EYS: variants seen among roughly 807,000 people sequenced by gnomAD.
The protein encoded by EYS is protein eyes shut homolog.
In EYS, 250 loss-of-function variants were observed where a neutral mutation model predicts 282.1. The ratio of observed to expected loss-of-function variants is 0.89; its 90% CI spans 0.80 to 0.98. EYS has a LOEUF of 0.98. Ranked by LOEUF, EYS falls within the 50% of genes least tolerant of loss-of-function variation. The pLI is 0.00. For synonymous variants in EYS, 1,355 were observed against 1,282.9 expected (o/e 1.06, Z -1.20); for missense variants, 4,016 against 3,709.0 (o/e 1.08, Z -2.15).
chr6:64,239,060 T>C (rs376708617), intron 30 of EYS, among the ~76,000 whole-genome samples: 195 of 152,334 alleles, frequency 1.3e-3, no homozygotes, highest in African/African-American at 4.5e-3. Flanking sequence ...GTGTCATCCA[T>C]GTCCCTGCAA....
intron 1 of EYS, among the ~76,000 whole-genome samples, chr6:65,676,253 T>C (rs1248885969): frequency 6.6e-6 from 1 of 151,114 alleles, no homozygotes; most frequent in Admixed American, 6.6e-5. Context: ...AAATAGAAAA[T>C]AGAAAAACAA....
At chr6:65,648,062 C>T (rs2149816729) in intron 1 of EYS, among the ~76,000 whole-genome samples, 1 of 152,184 alleles carries the variant, frequency 6.6e-6, no homozygotes, top group East Asian at 1.9e-4. Flanking sequence ...AAAGGAAACA[C>T]TTTTACACTG....
chr6:65,377,187 C>T (rs1765401894), intron 8 of EYS, among the ~76,000 whole-genome samples: 1 of 152,082 alleles, frequency 6.6e-6, no homozygotes, highest in Non-Finnish European at 1.5e-5. Flanking sequence ...CCTCTTAGAC[C>T]ACAGTGTAAT....
intron 22 of EYS, among the ~76,000 whole-genome samples, chr6:64,786,186 AC>A (rs1562191006): frequency 2.0e-5 from 1 of 50,200 alleles, no homozygotes; most frequent in Admixed American, 4.3e-4. Context: ...TACTGGTTCT[AC>A]ATTTTTTTTT....
chr6:64,719,866 A>T (rs1771516624), intron 22 of EYS, among the ~76,000 whole-genome samples: 1 of 152,162 alleles, frequency 6.6e-6, no homozygotes, highest in South Asian at 2.1e-4. Flanking sequence ...GCACCACAGC[A>T]CTCCAACCTG....
At chr6:65,310,645 TCTG>T (rs1189312854) in intron 11 of EYS, among the ~76,000 whole-genome samples, 6 of 152,174 alleles carry the variant, frequency 3.9e-5, no homozygotes, top group African/African-American at 1.4e-4. Flanking sequence ...CCCTTCTCAT[TCTG>T]CTACAGTCAT....
intron 2 of EYS, among the ~76,000 whole-genome samples, chr6:65,615,687 C>A (rs905314754): frequency 1.3e-5 from 2 of 152,058 alleles, no homozygotes; most frequent in Non-Finnish European, 2.9e-5. Flanking sequence ...GTAATCCCAG[C>A]ACTTTGGGAG....
intron 12 of EYS, among the ~76,000 whole-genome samples, chr6:65,233,736 G>A (rs556846400): frequency 3.3e-5 from 5 of 152,168 alleles, no homozygotes; most frequent in South Asian, 4.1e-4. Context: ...TTATCTTTAC[G>A]TTTAGCTTCT....
At chr6:64,318,339 A>G (rs1397412823) in intron 29 of EYS, among the ~76,000 whole-genome samples, 1 of 152,012 alleles carries the variant, frequency 6.6e-6, no homozygotes, top group Non-Finnish European at 1.5e-5. Flanking sequence ...TCCTTTAAAG[A>G]AAGTTGAAGT....
At position 64,686,753 on chromosome 6, in the gene EYS, A is replaced by ATATATATGTG. The variant is rs1327434132; in HGVS notation, c.3444-60509_3444-60508insCACATATATA. Among the ~76,000 whole-genome samples the ATATATATGTG allele has an allele frequency of 1.2e-3, 35 of 28,628 alleles. 1 individual carries two copies. Among genetic ancestry groups the ATATATATGTG allele is most frequent in the African/African-American group, 2.8e-3 (34 of 12,198 alleles). 18.8% of individuals were successfully genotyped at this position (28,628 alleles called of 152,430 possible). A position where few individuals can be genotyped will look rare whatever the true frequency, so the allele number is the denominator to read the frequency against. On this transcript the variant is annotated intron_variant, in intron 22 of 42. Transcript: ENST00000503581. ...CAAGATTCCATCTAAATATATATAT[A>ATATATATGTG]TATATATATGTGTGTATATATATAT...
intron 26 of EYS, among the ~76,000 whole-genome samples, chr6:64,589,849 C>G (rs1766344147): frequency 6.6e-6 from 1 of 151,948 alleles, no homozygotes; most frequent in African/African-American, 2.4e-5. Flanking sequence ...ACTGAAGATA[C>G]CGTTAGAAAG....
chr6:65,601,212 T>C (rs1025232150), intron 2 of EYS, among the ~76,000 whole-genome samples: 5 of 151,944 alleles, frequency 3.3e-5, no homozygotes, highest in Admixed American at 2.0e-4. Flanking sequence ...TAAGATTAAA[T>C]ACATTAAGGT....
chr6:64,421,917 A>G (rs1774248759), intron 28 of EYS, among the ~76,000 whole-genome samples: 1 of 132,376 alleles, frequency 7.6e-6, no homozygotes, highest in Admixed American at 8.0e-5. Flanking sequence ...GTGGTTCTCA[A>G]ACAGGGATTG....
At chr6:65,585,680 G>A (rs1447878700) in intron 2 of EYS, among the ~76,000 whole-genome samples, 1 of 151,764 alleles carries the variant, frequency 6.6e-6, no homozygotes. Context: ...CAAATATTAA[G>A]GTTGTCTGGC....
intron 12 of EYS, among the ~76,000 whole-genome samples, chr6:65,243,132 A>AT (rs1222887553): frequency 6.6e-6 from 1 of 152,100 alleles, no homozygotes; most frequent in East Asian, 1.9e-4. Context: ...TGTCAGGCAT[A>AT]TTTTGATGTG....
At chr6:64,282,066 T>C (rs1236298261) in intron 30 of EYS, among the ~76,000 whole-genome samples, 1 of 152,096 alleles carries the variant, frequency 6.6e-6, no homozygotes, top group Non-Finnish European at 1.5e-5. Context: ...TATTCTGATG[T>C]CTGGGCAGAC....
chr6:65,688,925 G>T (rs929494740), intron 1 of EYS, among the ~76,000 whole-genome samples: 69 of 151,640 alleles, frequency 4.6e-4, no homozygotes, highest in Non-Finnish European at 5.1e-4. Flanking sequence ...CACTGTTGGT[G>T]GGACTGTAAA....
rs561292394 is a variant in EYS at position 64,062,428 on chromosome 6, A to G, written c.6725+3910T>C. Among the ~76,000 whole-genome samples, 44 of 152,260 alleles carry G rather than the reference A, an allele frequency of 2.9e-4. 1 individual carries two copies. Among genetic ancestry groups the G allele is most frequent in the Admixed American group, 1.6e-3 (25 of 15,280 alleles). ...TGTTCTCAGCCAGGCTTGGTGGCTC[A>G]CACCTGTAATCCCAACACTTTGGGA... On this transcript the variant is annotated intron_variant, in intron 33 of 42. Transcript: ENST00000503581.
intron 30 of EYS, among the ~76,000 whole-genome samples, chr6:64,267,832 T>G (rs1362564196): frequency 3.3e-5 from 5 of 152,118 alleles, no homozygotes; most frequent in Non-Finnish European, 7.4e-5. Flanking sequence ...TACTCCAAAT[T>G]TAAATATTTT....
Sources: allele counts gnomAD v4.1 joint callset (sites outside exome capture counted in the v4.1 genomes callset), GRCh38; gene constraint gnomAD v4.1.1; transcripts MANE v1.5; gene names NCBI Gene and HGNC (gene_info 2026-07-23, HGNC 2026-07-21).